The following RASA3 variants were observed in gnomAD, a reference collection of about 807,000 sequenced individuals.
The protein encoded by RASA3 is RAS p21 protein activator 3, also known as ras GTPase-activating protein 3.
In RASA3, 73 loss-of-function variants were observed where a neutral mutation model predicts 110.0. The ratio of observed to expected loss-of-function variants is 0.66; its 90% confidence interval spans 0.55 to 0.81. The LOEUF (loss-of-function observed/expected upper bound fraction) is 0.81. Among genes scored for constraint, RASA3 ranks in the 30% least tolerant of loss-of-function variants. The pLI, the probability that RASA3 is intolerant of heterozygous loss-of-function variation, is 0.00. For missense variants in RASA3, 976 were observed against 1,113.2 expected, an observed-to-expected ratio of 0.88 and a Z score of 1.75; for synonymous variants, 500 against 451.4, an observed-to-expected ratio of 1.11 and a Z score of -1.37.
At chr13:114,042,020 G>T (rs1440409295) in intron 3 of RASA3, among the ~76,000 whole-genome samples, 1 of 152,184 alleles carries the variant, frequency 6.6e-6, no homozygotes, top group African/African-American at 2.4e-5. Flanking sequence ...GTACTTTGGG[G>T]CTACGCTTCC....
At chr13:114,101,579 G>A (rs1006742179) in intron 1 of RASA3, among the ~76,000 whole-genome samples, 7 of 152,374 alleles carry the variant, frequency 4.6e-5, no homozygotes, top group African/African-American at 1.2e-4. Context: ...CCGGAGATCC[G>A]GGCTTTCCTT....
intron 1 of RASA3, among the ~76,000 whole-genome samples, chr13:114,100,385 ACC>A (rs2139736182): frequency 6.6e-6 from 1 of 152,078 alleles, no homozygotes; most frequent in South Asian, 2.1e-4. Flanking sequence ...TGTGCGCAAC[ACC>A]CAGGAGCCGC....
In RASA3 at chr13:114,132,566, G is replaced by T; in HGVS notation, c.-77C>A. The T allele has an allele frequency of 1.7e-6, 2 of 1,202,840 alleles. No individual in the cohort carries two copies. Among genetic ancestry groups the T allele is most frequent in the African/African-American group, 3.2e-5 (2 of 62,902 alleles). 74.5% of individuals were successfully genotyped at this position (1,202,840 alleles called of 1,614,324 possible). A position where few individuals can be genotyped will look rare whatever the true frequency, so the allele number is the denominator to read the frequency against. ...GCAGCTCAGGCCGAGCAGGAGGAGC[G>T]GCGGCGCCGGAGCCCCGAGCGCGGC... On this transcript the variant is annotated 5_prime_UTR_variant, in exon 1 of 24. Transcript: ENST00000334062.
intron 4 of RASA3, among the ~76,000 whole-genome samples, chr13:114,030,693 T>C (rs974099967): frequency 6.6e-6 from 1 of 152,208 alleles, no homozygotes; most frequent in Non-Finnish European, 1.5e-5. Flanking sequence ...TGTGGGTGTG[T>C]GTCCACCTGT....
intron 3 of RASA3, among the ~76,000 whole-genome samples, chr13:114,043,272 G>A (rs1035883716): frequency 5.9e-5 from 9 of 152,208 alleles, no homozygotes; most frequent in African/African-American, 2.2e-4. Flanking sequence ...GCACAAAGAC[G>A]CTTTCCAAGT....
intron 3 of RASA3, among the ~76,000 whole-genome samples, chr13:114,051,326 C>T (rs2079143168): frequency 6.6e-6 from 1 of 152,244 alleles, no homozygotes; most frequent in Admixed American, 6.5e-5. Flanking sequence ...CTCCTCCCTT[C>T]CTGGCTCTCC....
At chr13:114,021,561 G>A (rs577253243) in intron 8 of RASA3, 53 bp from the exon 9 acceptor site, 10 of 1,453,488 alleles carry the variant, frequency 6.9e-6, no homozygotes, top group East Asian at 2.3e-5. Context: ...CCCGTGTGGA[G>A]CAAAGATGAC....
Position 114,018,133 on chromosome 13 carries a change from G to A in RASA3, c.1062C>T (p.Ala354=), listed in dbSNP as rs751383435. The stretch of plus-strand genomic sequence containing the variant: ...TCCGCTTCACCTCCGCGCTGGCGAT[G>A]GCACTGATGAATGGCACCACCCTGC... ...HYGRVVPFIS[A]IASAEVKRTQ... is the part of the protein sequence containing the mutation. Residue 354 remains alanine, a synonymous_variant, in exon 11 of 24, where the codon GCC becomes GCT. Transcript: ENST00000334062. The A allele has an allele frequency of 9.7e-6, 15 of 1,549,832 alleles. No individual in the cohort carries two copies. The South Asian group carries it at 1.7e-4, about 17-fold the overall frequency.
At chr13:114,070,143 G>A (rs1303825979) in intron 2 of RASA3, among the ~76,000 whole-genome samples, 6 of 113,558 alleles carry the variant, frequency 5.3e-5, no homozygotes, top group East Asian at 3.0e-4. Context: ...AGACTCAGGC[G>A]GCCGGGAGAC....
intron 23 of RASA3, among the ~76,000 whole-genome samples, chr13:113,981,468 G>A (rs1404266647): frequency 2.0e-5 from 3 of 152,204 alleles, no homozygotes; most frequent in Admixed American, 2.0e-4. Flanking sequence ...AGCAAAGGCA[G>A]CACCTGCTCT....
At chr13:113,991,305 A>G (rs923009056) in intron 22 of RASA3, among the ~76,000 whole-genome samples, 5 of 151,972 alleles carry the variant, frequency 3.3e-5, no homozygotes, top group Non-Finnish European at 5.9e-5. Flanking sequence ...GGGCAGCTGC[A>G]TGGACACTCA....
intron 8 of RASA3, among the ~76,000 whole-genome samples, 174 bp downstream of exon 8, chr13:114,024,105 A>C (rs370308321): frequency 4.6e-5 from 7 of 152,230 alleles, no homozygotes; most frequent in Non-Finnish European, 5.9e-5. Flanking sequence ...GAGCCCTAAC[A>C]CCACCCACAG....
Position 114,065,353 on chromosome 13 carries a change from G to C in RASA3, c.173+8367C>G, listed in dbSNP as rs1350194268. Among the ~76,000 whole-genome samples, 1 of 152,208 alleles carries C rather than the reference G, an allele frequency of 6.6e-6. No individual in the cohort carries two copies. The highest frequency in any genetic ancestry group is 6.5e-5 in the Admixed American group (1 of 15,288). ...GGGCCCATTTCCCAAACGCTGGGGG[G>C]AGCCGGGAGCTGCCAGGGCTGCCCC... On this transcript the variant is annotated intron_variant, in intron 2 of 23. Transcript: ENST00000334062. The surrounding 1 kb of genome is among the most constrained non-coding windows in gnomAD (Gnocchi z 4.1).
chr13:114,043,538 C>T (rs1223801233), intron 3 of RASA3, among the ~76,000 whole-genome samples: 3 of 152,136 alleles, frequency 2.0e-5, no homozygotes, highest in Admixed American at 1.3e-4. Flanking sequence ...CTCATGGGTT[C>T]CTAAGATCAG....
At chr13:113,980,948 G>T (rs1273984131) in intron 23 of RASA3, among the ~76,000 whole-genome samples, 1 of 152,174 alleles carries the variant, frequency 6.6e-6, no homozygotes, top group African/African-American at 2.4e-5. Flanking sequence ...GAAGTGAGGA[G>T]GAGGCTGTAC....
rs539041407 is a variant in RASA3 at position 114,009,259 on chromosome 13, G to A, written c.1668+128C>T. On this transcript the variant is annotated intron_variant, in intron 17 of 23. Coordinates refer to ENST00000334062, the MANE Select transcript of RASA3 (RefSeq NM_007368.4). The stretch of plus-strand genomic sequence containing the variant: ...GTCTGGACAGCGCTGTGAATGCACC[G>A]AACGCCTTTATTGTTTAAAATCGCT... 86 of 749,696 alleles carry A rather than the reference G, an allele frequency of 1.1e-4. No individual in the cohort carries two copies. In the South Asian group the frequency reaches 1.3e-3, roughly 11 times the overall value. The allele number at this position is 749,696 out of a possible 1,614,324, so 46.4% of individuals were successfully genotyped here. A position where few individuals can be genotyped will look rare whatever the true frequency, so the allele number is the denominator to read the frequency against.
intron 18 of RASA3, among the ~76,000 whole-genome samples, chr13:114,005,203 A>G (rs1014458877): frequency 6.6e-5 from 10 of 152,170 alleles, no homozygotes; most frequent in Non-Finnish European, 1.5e-4. Flanking sequence ...GTTTCACGAG[A>G]AGCCCCATCC....
chr13:114,013,614 CCCT>C (rs1179463484), intron 14 of RASA3, among the ~76,000 whole-genome samples: 1 of 102,870 alleles, frequency 9.7e-6, no homozygotes, highest in Non-Finnish European at 1.9e-5. Flanking sequence ...CTCTCTCCCC[CCCT>C]CCATCTGTCT....
At chr13:114,020,457 G>C (rs766887207) in intron 9 of RASA3, among the ~76,000 whole-genome samples, 3 of 152,178 alleles carry the variant, frequency 2.0e-5, no homozygotes, top group Admixed American at 1.3e-4. Flanking sequence ...GCCTGTGCCC[G>C]TGCCGTCTTC....
Sources: gnomAD v4.1 joint callset for allele counts (sites outside exome capture counted in the v4.1 genomes callset) on GRCh38, gnomAD v4.1.1 for gene constraint, Gnocchi (gnomAD v3.1) non-coding constraint, MANE v1.5 for transcripts, NCBI Gene and HGNC (gene_info 2026-07-23, HGNC 2026-07-21) for gene names.